MCF2L: variants seen among roughly 807,000 people sequenced by gnomAD.
The protein encoded by MCF2L is MCF.2 cell line derived transforming sequence like.
Under a neutral mutation model 153.4 loss-of-function variants are expected in MCF2L, and 97 were observed. The observed-to-expected ratio is 0.63, with a 90% CI of 0.54 to 0.75. MCF2L has a LOEUF of 0.75. Among genes scored for constraint, MCF2L ranks in the 30% least tolerant of loss-of-function variants. MCF2L has a pLI of 0.00. For synonymous variants in MCF2L, 659 were observed against 632.2 expected (o/e 1.04, Z -0.64); for missense variants, 1,347 against 1,495.2 (o/e 0.90, Z 1.64).
At position 112,993,051 on chromosome 13, in the gene MCF2L, C is replaced by T. The variant is rs984007439; in HGVS notation, c.80-21712C>T. Among the ~76,000 whole-genome samples the T allele has an allele frequency of 2.0e-5, 3 of 152,214 alleles. No homozygotes were observed. The highest frequency in any genetic ancestry group is 2.1e-4 in the South Asian group (1 of 4,828). ...ATGGGCCATGGGGGTGAGGAGAGAG[C>T]GGCTCGCTGCCTTGAGAAGCTCCCG... On this transcript the variant is annotated intron_variant, in intron 1 of 29. Transcript: ENST00000535094. The surrounding 1 kb of genome is among the most constrained non-coding windows in gnomAD (Gnocchi z 4.6).
rs751450973 is a variant in MCF2L at position 113,087,308 on chromosome 13, A to G, written c.2447A>G (p.His816Arg). 25 of 1,613,192 alleles carry G rather than the reference A, an allele frequency of 1.5e-5. No individual in the cohort carries two copies. The highest frequency in any genetic ancestry group is 3.4e-6 in the Non-Finnish European group (4 of 1,180,044). Residue 816 changes from histidine to arginine, a missense_variant, in exon 22 of 30, where the codon CAC becomes CGC. By Grantham distance (29) the His-to-Arg change is conservative. This residue lies in a region of MCF2L where 144 missense variants were observed against 238.7 expected (regional missense o/e 0.60). Coordinates refer to ENST00000535094, the MANE Select transcript of MCF2L (RefSeq NM_001112732.3). The stretch of plus-strand genomic sequence containing the variant: ...GTCTGGACCGACCACAAGAGGGGCC[A>G]CACCAAGGTGAAGGAGCTGGCCAGG... ...FSVWTDHKRG[H>R]TKVKELARFK... is the part of the protein sequence containing the mutation.
chr13:112,908,236 C>A (rs959564656), intron 2 of MCF2L, among the ~76,000 whole-genome samples: 15 of 152,202 alleles, frequency 9.9e-5, no homozygotes, highest in African/African-American at 3.4e-4. Flanking sequence ...TCTGACTCAC[C>A]AGGGCTCCTG....
At chr13:113,060,817 A>T in intron 5 of MCF2L, 105 bp downstream of exon 5, 1 of 1,490,870 alleles carries the variant, frequency 6.7e-7, no homozygotes, top group East Asian at 2.3e-5. Flanking sequence ...TCAGGGCCAC[A>T]CGGTCAACAA....
At chr13:113,078,878 A>G (rs1025817378) in intron 15 of MCF2L, 139 bp downstream of exon 15, 6 of 817,922 alleles carry the variant, frequency 7.3e-6, no homozygotes, top group African/African-American at 6.8e-5. Context: ...TTTTGCACCA[A>G]CCGATACCCA....
intron 26 of MCF2L, among the ~76,000 whole-genome samples, chr13:113,092,030 C>G (rs1416923119): frequency 6.6e-6 from 1 of 152,212 alleles, no homozygotes; most frequent in Non-Finnish European, 1.5e-5. Context: ...GTCCTGCCTG[C>G]AAGTGGGTGG....
chr13:112,912,546 ACCTCAGGTGATTCAC>A (rs1323634833), intron 2 of MCF2L, among the ~76,000 whole-genome samples: 1 of 152,092 alleles, frequency 6.6e-6, no homozygotes, highest in Non-Finnish European at 1.5e-5. Context: ...CGAACTCCTG[ACCTCAGGTGATTCAC>A]CCGCCTTGGC....
intron 2 of MCF2L, among the ~76,000 whole-genome samples, chr13:112,912,775 C>CTG (rs140910971): frequency 0.036 from 5,380 of 150,432 alleles, 337 homozygotes; most frequent in African/African-American, 0.13. Flanking sequence ...TGTCACATGT[C>CTG]TGTGTGTGTG....
In MCF2L at chr13:113,096,789, C is replaced by G. The variant is rs766868930; in HGVS notation, c.3308C>G (p.Ser1103Trp). The change falls in exon 30 of 30, where the codon TCG (serine) becomes TGG (tryptophan). Residue 1103 changes from serine (S) to tryptophan (W), a missense_variant. Physicochemically the swap from Ser to Trp is radical, Grantham distance 177. This residue lies in a region of MCF2L where 383 missense variants were observed against 335.4 expected (regional missense o/e 1.14). Transcript: ENST00000535094. ...CTCCCCGCAGAGTCGAGCCCGGGGTCGGCCGTGCTGAGCAACTCGTCCAGC... is the reference window on the plus strand; with the variant it reads ...CTCCCCGCAGAGTCGAGCCCGGGGTGGGCCGTGCTGAGCAACTCGTCCAGC... The part of the protein sequence containing the change: ...CLSSSESSPG[S>W]AVLSNSSSCS... 4.2e-5 allele frequency: 66 copies of G among 1,567,214 alleles called. No homozygotes were observed. The highest frequency in any genetic ancestry group is 5.5e-5 in the Non-Finnish European group (64 of 1,166,214).
At chr13:113,080,308 T>C (rs2141981500) in intron 15 of MCF2L, among the ~76,000 whole-genome samples, 1 of 150,438 alleles carries the variant, frequency 6.6e-6, no homozygotes, top group South Asian at 2.1e-4. Flanking sequence ...CGGAGGAGGG[T>C]CTAGGCAGAG....
chr13:113,075,817 C>T (rs1238518134), intron 11 of MCF2L, 149 bp from the exon 12 acceptor site: 1 of 613,248 alleles, frequency 1.6e-6, no homozygotes, highest in Non-Finnish European at 2.8e-6. Flanking sequence ...ACTGTGTCCC[C>T]TTGGGGTGCT....
chr13:112,987,783 G>C (rs2082709400), intron 1 of MCF2L, among the ~76,000 whole-genome samples: 1 of 152,266 alleles, frequency 6.6e-6, no homozygotes, highest in Non-Finnish European at 1.5e-5. Context: ...AGTCTGGCAG[G>C]GGTGTGGGAA....
chr13:112,981,435 C>T (rs1216642186), intron 1 of MCF2L, among the ~76,000 whole-genome samples: 3 of 152,198 alleles, frequency 2.0e-5, no homozygotes, highest in African/African-American at 2.4e-5. Context: ...GTGAAGACAT[C>T]GTCCACGACA....
At chr13:112,928,134 C>T (rs2081426477) in intron 2 of MCF2L, among the ~76,000 whole-genome samples, 1 of 152,180 alleles carries the variant, frequency 6.6e-6, no homozygotes, top group African/African-American at 2.4e-5. Flanking sequence ...GAACTCTGCA[C>T]GTGTTAACAG....
At chr13:112,909,188 C>A in intron 2 of MCF2L, 1 of 778,610 alleles carries the variant, frequency 1.3e-6, no homozygotes, top group South Asian at 1.3e-5. Flanking sequence ...ACTGCCTGTT[C>A]CCGAGGGAGC....
intron 2 of MCF2L, chr13:112,909,203 G>A: frequency 1.3e-6 from 1 of 779,376 alleles, no homozygotes; most frequent in East Asian, 2.4e-5. Flanking sequence ...GGGAGCCCCT[G>A]TAACCAACCT....
At chr13:112,902,493 T>A (rs2081129667) in intron 2 of MCF2L, 2 of 1,041,074 alleles carry the variant, frequency 1.9e-6, no homozygotes, top group Non-Finnish European at 2.7e-6. Flanking sequence ...TGGGAATGCA[T>A]GACCCCCCAG....
chr13:113,059,734 A>G (rs949505607), intron 4 of MCF2L, among the ~76,000 whole-genome samples: 1 of 152,246 alleles, frequency 6.6e-6, no homozygotes, highest in African/African-American at 2.4e-5. Flanking sequence ...CCAATGGAGA[A>G]GCTGAGACAC....
At position 112,974,693 on chromosome 13, in the gene MCF2L, C is replaced by T. The variant is rs182488640; in HGVS notation, c.79+5235C>T. Among the ~76,000 whole-genome samples the T allele has an allele frequency of 3.5e-3, 538 of 152,250 alleles. 2 individuals carry two copies. The highest frequency in any genetic ancestry group is 0.02 in the Middle Eastern group (6 of 294). On this transcript the variant is annotated intron_variant, in intron 1 of 29. Transcript: ENST00000535094. The stretch of plus-strand genomic sequence containing the variant: ...GACTAGTAAATATGAGAGAAGCTGG[C>T]TCGGGAGACCTGCTTTCGCCATAAT...
At chr13:112,920,163 C>T (rs1001192866) in intron 2 of MCF2L, among the ~76,000 whole-genome samples, 25 of 152,160 alleles carry the variant, frequency 1.6e-4, no homozygotes, top group African/African-American at 4.8e-4. Context: ...CAGACAAGCC[C>T]GTGTTACCTG....
Sources: allele counts gnomAD v4.1 joint callset (sites outside exome capture counted in the v4.1 genomes callset), GRCh38; gene constraint gnomAD v4.1.1; regional missense constraint gnomAD v4.1.1; non-coding constraint Gnocchi (gnomAD v3.1); transcripts MANE v1.5; gene names NCBI Gene and HGNC (gene_info 2026-07-23, HGNC 2026-07-21).